The following EML6 variants were observed in gnomAD, a reference collection of about 807,000 sequenced individuals.
The protein encoded by EML6 is echinoderm microtubule-associated protein-like 6.
Under a neutral mutation model 240.1 loss-of-function variants are expected in EML6, and 154 were observed. The ratio of observed to expected loss-of-function variants is 0.64; its 90% CI spans 0.56 to 0.73. The LOEUF (loss-of-function observed/expected upper bound fraction) is 0.73. Among genes scored for constraint, EML6 ranks in the 30% least tolerant of loss-of-function variants. The pLI, the probability that EML6 is intolerant of heterozygous loss-of-function variation, is 0.00. For synonymous variants in EML6, 1,148 were observed against 899.0 expected (o/e 1.28, Z -4.95); for missense variants, 2,964 against 2,474.6 (o/e 1.20, Z -4.20).
chr2:54,726,788 C>T (rs1682926736), intron 2 of EML6, among the ~76,000 whole-genome samples: 1 of 152,118 alleles, frequency 6.6e-6, no homozygotes, highest in Non-Finnish European at 1.5e-5. Context: ...AATTTAAACC[C>T]ATTATGTTTT....
At chr2:54,871,669 T>C in intron 16 of EML6, 64 bp downstream of exon 16, 1 of 1,214,318 alleles carries the variant, frequency 8.2e-7, no homozygotes, top group Non-Finnish European at 1.2e-6. Context: ...AGAGAGAGTA[T>C]GCCCCGCGCA....
At chr2:54,808,432 C>A (rs1245177925) in intron 2 of EML6, among the ~76,000 whole-genome samples, 3 of 152,138 alleles carry the variant, frequency 2.0e-5, no homozygotes, top group Admixed American at 2.0e-4. Context: ...TGTGCCTCTG[C>A]CTCTGACATG....
chr2:54,963,405 G>T (rs1360874269), intron 36 of EML6, among the ~76,000 whole-genome samples: 2 of 152,200 alleles, frequency 1.3e-5, no homozygotes, highest in Non-Finnish European at 2.9e-5. Flanking sequence ...GCTGCTTCAT[G>T]GACATGATCA....
chr2:54,905,397 G>A (rs966933068), intron 24 of EML6, among the ~76,000 whole-genome samples: 9 of 145,098 alleles, frequency 6.2e-5, no homozygotes, highest in African/African-American at 1.0e-4. Flanking sequence ...GATACAATAC[G>A]TGAAATCCCA....
At chr2:54,792,984 T>C (rs1411702775) in intron 2 of EML6, among the ~76,000 whole-genome samples, 1 of 152,214 alleles carries the variant, frequency 6.6e-6, no homozygotes. Flanking sequence ...TTTTGATCTT[T>C]AGGCTTGGTG....
chr2:54,791,990 A>G (rs1669481581), intron 2 of EML6, among the ~76,000 whole-genome samples: 1 of 152,194 alleles, frequency 6.6e-6, no homozygotes, highest in South Asian at 2.1e-4. Flanking sequence ...TGTAGTGTTT[A>G]TTACAGCAAG....
rs962392349 is a variant in EML6 at position 54,971,903 on chromosome 2, C to T, written c.*1808C>T. ...GTATGATTTTGATTTTATGTATGTTCATAAATCCTGCACTGTATGATATAT... is the reference window on the plus strand; with the variant it reads ...GTATGATTTTGATTTTATGTATGTTTATAAATCCTGCACTGTATGATATAT... On this transcript the variant is annotated 3_prime_UTR_variant, in exon 42 of 42. Coordinates refer to ENST00000356458, the MANE Select transcript of EML6 (RefSeq NM_001039753.4). The T allele has an allele frequency of 2.0e-5, 3 of 152,156 alleles. No homozygotes were observed. The highest frequency in any genetic ancestry group is 4.8e-5 in the African/African-American group (2 of 41,436). 9.4% of individuals were successfully genotyped at this position (152,156 alleles called of 1,614,324 possible).
chr2:54,950,598 G>C, intron 29 of EML6, 52 bp from the exon 30 acceptor site: 1 of 1,544,852 alleles, frequency 6.5e-7, no homozygotes, highest in African/African-American at 1.4e-5. Context: ...GTGTTCCTCG[G>C]CTCTCCCTTC....
Position 54,909,704 on chromosome 2 carries a change from T to C in EML6, c.3410-1250T>C, listed in dbSNP as rs113137315. ...CTACTAAAAAATAGAATTAGCCAAG[T>C]GTGGTGGTGGGTGCCTGTAATCCCA... On this transcript the variant is annotated intron_variant, in intron 24 of 41. Transcript: ENST00000356458. 8.0e-4 allele frequency among the ~76,000 whole-genome samples: 122 copies of C among 151,826 alleles called. 2 individuals are homozygous for C. The highest frequency in any genetic ancestry group is 2.9e-3 in the African/African-American group (120 of 41,414).
intron 28 of EML6, among the ~76,000 whole-genome samples, chr2:54,933,874 T>C (rs1674992205): frequency 6.6e-6 from 1 of 152,226 alleles, no homozygotes; most frequent in South Asian, 2.1e-4. Flanking sequence ...CTATGAAATT[T>C]TCTCATCCAG....
chr2:54,910,190 C>T (rs1186831830), intron 24 of EML6, among the ~76,000 whole-genome samples: 1 of 152,130 alleles, frequency 6.6e-6, no homozygotes, highest in Admixed American at 6.5e-5. Flanking sequence ...TTATACTCTT[C>T]TTCTATACAT....
At chr2:54,769,743 T>C (rs1668331177) in intron 2 of EML6, among the ~76,000 whole-genome samples, 1 of 152,188 alleles carries the variant, frequency 6.6e-6, no homozygotes, top group South Asian at 2.1e-4. Context: ...GATTAGAACA[T>C]TTCACATAAG....
At chr2:54,740,552 A>C (rs1246243560) in intron 2 of EML6, among the ~76,000 whole-genome samples, 2 of 152,216 alleles carry the variant, frequency 1.3e-5, no homozygotes, top group South Asian at 4.1e-4. Flanking sequence ...GCTTTCTGTT[A>C]TAGCAATACG....
At chr2:54,862,505 A>T (rs1189196754) in intron 12 of EML6, among the ~76,000 whole-genome samples, 1 of 152,084 alleles carries the variant, frequency 6.6e-6, no homozygotes, top group African/African-American at 2.4e-5. Flanking sequence ...AACAAAAAGA[A>T]AAAGAGTAAA....
chr2:54,928,201 G>A, intron 26 of EML6, 112 bp from the exon 27 acceptor site: 2 of 845,344 alleles, frequency 2.4e-6, no homozygotes, highest in Non-Finnish European at 3.9e-6. Context: ...TGAAATGTAG[G>A]AAATTGCTGT....
rs116592958 is a variant in EML6, at chr2:54,807,001, T to C, written c.198-6231T>C. ...CTATGCATACGCATTAATAAACTTA[T>C]ACACTTTACTGACATAAATAATATA... is the stretch of plus-strand genomic sequence containing the variant. On this transcript the variant is annotated intron_variant, in intron 2 of 41. Coordinates refer to ENST00000356458, the MANE Select transcript of EML6 (RefSeq NM_001039753.4). Among the ~76,000 whole-genome samples, 679 of 152,330 alleles carry C rather than the reference T, an allele frequency of 4.5e-3. 4 individuals are homozygous for C. The highest frequency in any genetic ancestry group is 7.1e-3 in the Non-Finnish European group (485 of 68,034).
chr2:54,756,179 C>T (rs1176857341), intron 2 of EML6, among the ~76,000 whole-genome samples: 1 of 152,066 alleles, frequency 6.6e-6, no homozygotes, highest in Non-Finnish European at 1.5e-5. Context: ...GTAAATGCCC[C>T]AAGGAGGCAG....
chr2:54,880,649 C>T (rs1455146294), intron 17 of EML6: 2 of 152,320 alleles, frequency 1.3e-5, no homozygotes, highest in East Asian at 3.9e-4. Context: ...GCTCATAAAT[C>T]TGCCTGCCCA....
At chr2:54,924,289 C>G (rs1185658378) in intron 26 of EML6, among the ~76,000 whole-genome samples, 1 of 152,094 alleles carries the variant, frequency 6.6e-6, no homozygotes, top group Non-Finnish European at 1.5e-5. Context: ...ATTCAGCTGT[C>G]CAGGGGAGTA....
Sources: allele counts gnomAD v4.1 joint callset (sites outside exome capture counted in the v4.1 genomes callset), GRCh38; gene constraint gnomAD v4.1.1; transcripts MANE v1.5; gene names NCBI Gene and HGNC (gene_info 2026-07-23, HGNC 2026-07-21).